The following RFTN1 variants were observed in gnomAD, a reference collection of about 807,000 sequenced individuals.
The protein encoded by RFTN1 is raftlin, lipid raft linker 1.
Under a neutral mutation model 46.5 loss-of-function variants are expected in RFTN1, and 26 were observed. The observed-to-expected ratio is 0.56, with a 90% confidence interval of 0.41 to 0.78. The LOEUF (loss-of-function observed/expected upper bound fraction) is 0.78, where lower values mean the gene tolerates loss of function less well. Ranked by LOEUF, RFTN1 falls within the 30% of genes least tolerant of loss-of-function variation. The pLI is 0.00. For missense variants in RFTN1, 693 were observed against 718.7 expected, an observed-to-expected ratio of 0.96 and a Z score of 0.41; for synonymous variants, 261 against 284.2, an observed-to-expected ratio of 0.92 and a Z score of 0.82.
At chr3:16,324,235 T>C (rs2069421569) in intron 8 of RFTN1, among the ~76,000 whole-genome samples, 1 of 152,232 alleles carries the variant, frequency 6.6e-6, no homozygotes, top group Non-Finnish European at 1.5e-5. Flanking sequence ...ACTGATTAAA[T>C]CAGGCTACTT....
rs552095811 is a variant in RFTN1 at position 16,456,613 on chromosome 3, AC to A, written c.146-22577del. On this transcript the variant is annotated intron_variant, in intron 2 of 9. Transcript: ENST00000334133. ...TTTTCACTTTGAAAAATTCTTGAGG[AC>A]CCCCCTAAGAACTTTTGTTTATGTG... 1.4e-3 allele frequency among the ~76,000 whole-genome samples: 208 copies of A among 152,086 alleles called. 1 individual carries two copies. Among genetic ancestry groups the A allele is most frequent in the Middle Eastern group, 0.014 (4 of 294 alleles).
intron 2 of RFTN1, among the ~76,000 whole-genome samples, chr3:16,445,892 A>G (rs1442148072): frequency 2.0e-5 from 3 of 151,588 alleles, no homozygotes. Flanking sequence ...ATCTATCACA[A>G]CTTTTAATTC....
intron 7 of RFTN1, among the ~76,000 whole-genome samples, chr3:16,347,303 G>T (rs1030697993): frequency 6.6e-6 from 1 of 152,200 alleles, no homozygotes; most frequent in African/African-American, 2.4e-5. Context: ...CATTTTCTAG[G>T]GGGGGCTATA....
At position 16,317,148 on chromosome 3, in the gene RFTN1, G is replaced by A; in HGVS notation, c.1417C>T (p.Gln473Ter). The change falls in exon 10 of 10, where the codon CAA (glutamine) becomes TAA (stop). Residue 473 changes from glutamine (Q) to a stop codon, truncating the protein, a stop_gained. Transcript: ENST00000334133. LOFTEE classifies it low-confidence loss of function (END_TRUNC). The surrounding 1 kb of genome is among the most constrained non-coding windows in gnomAD (Gnocchi z 4.3). Reference protein sequence around the residue: ...KGKLSARDKQQAEENEKNLED... With the variant: ...KGKLSARDKQ ...AAGTTCTTCTCATTTTCTTCTGCTTGTTGTTTGTCTCTGGCACTGAGTTTA... is the reference window on the plus strand; with the variant it reads ...AAGTTCTTCTCATTTTCTTCTGCTTATTGTTTGTCTCTGGCACTGAGTTTA... 1 of 1,613,572 alleles carries A rather than the reference G, an allele frequency of 6.2e-7. No individual in the cohort carries two copies. Among genetic ancestry groups the A allele is most frequent in the Non-Finnish European group, 8.5e-7 (1 of 1,179,942 alleles).
rs2076134794 is a variant in RFTN1 at position 16,468,250 on chromosome 3, T to C, written c.145+25475A>G. Among the ~76,000 whole-genome samples the C allele has an allele frequency of 6.6e-6, 1 of 152,232 alleles. No individual in the cohort carries two copies. The highest frequency in any genetic ancestry group is 6.5e-5 in the Admixed American group (1 of 15,282). On this transcript the variant is annotated intron_variant, in intron 2 of 9. Coordinates refer to ENST00000334133, the MANE Select transcript of RFTN1 (RefSeq NM_015150.2). This position sits in a 1 kb window ranked among gnomAD's most constrained non-coding sequence, Gnocchi z 4.4. ...CATTCCCTTTCAGCTGACAGGCTTC[T>C]TATCTTTTTCATTTGGAAACTTATC... is the stretch of plus-strand genomic sequence containing the variant.
In RFTN1 at chr3:16,507,258, C is replaced by T. The variant is rs1279442202; in HGVS notation, c.-9+6184G>A. On this transcript the variant is annotated intron_variant, in intron 1 of 9. Transcript: ENST00000334133. This position sits in a 1 kb window ranked among gnomAD's most constrained non-coding sequence, Gnocchi z 7.1. Reference sequence around the variant, plus strand: ...TACTTGTTGCTCATTATGAAGACACCTTTTGACCTACTCTGGCCTATAGTC... The same window carrying T: ...TACTTGTTGCTCATTATGAAGACACTTTTTGACCTACTCTGGCCTATAGTC... Among the ~76,000 whole-genome samples, 2 of 152,138 alleles carry T rather than the reference C, an allele frequency of 1.3e-5. No individual in the cohort carries two copies. Among genetic ancestry groups the T allele is most frequent in the Non-Finnish European group, 2.9e-5 (2 of 68,038 alleles).
rs1026068223 is a variant in RFTN1, at chr3:16,336,030, G to T, written c.1147-9154C>A. On this transcript the variant is annotated intron_variant, in intron 7 of 9. Coordinates refer to ENST00000334133, the MANE Select transcript of RFTN1 (RefSeq NM_015150.2). This position sits in a 1 kb window ranked among gnomAD's most constrained non-coding sequence, Gnocchi z 6.0. ...CGCTGGCTATAGCGGCACTCGAGGA[G>T]GGTAGAGGTCCTGTTCTCCTACGGC... 6.6e-6 allele frequency among the ~76,000 whole-genome samples: 1 copy of T among 152,228 alleles called. No individual in the cohort carries two copies. Among genetic ancestry groups the T allele is most frequent in the South Asian group, 2.1e-4 (1 of 4,836 alleles).
chr3:16,328,348 C>T (rs1170911019), intron 7 of RFTN1, among the ~76,000 whole-genome samples: 2 of 152,226 alleles, frequency 1.3e-5, no homozygotes, highest in African/African-American at 4.8e-5. Flanking sequence ...AGAAGGTGGC[C>T]ACGTGTGGTG....
intron 2 of RFTN1, chr3:16,472,185 T>C (rs1345512933): frequency 2.0e-5 from 3 of 150,776 alleles, no homozygotes; most frequent in Non-Finnish European, 4.4e-5. Context: ...CTGAATAATG[T>C]GAGGATTGTT....
chr3:16,358,430 G>GTTTTTTTTTTT (rs11456149), intron 6 of RFTN1, among the ~76,000 whole-genome samples: 2 of 149,114 alleles, frequency 1.3e-5, no homozygotes, highest in Non-Finnish European at 1.5e-5. Context: ...TTAGGTGAGG[G>GTTTTTTTTTTT]TTTTTTTTTT....
At chr3:16,485,971 T>C (rs1374873340) in intron 2 of RFTN1, among the ~76,000 whole-genome samples, 2 of 152,188 alleles carry the variant, frequency 1.3e-5, no homozygotes, top group African/African-American at 4.8e-5. Context: ...AATACCTTCC[T>C]TTCAACTTTC....
chr3:16,371,208 T>C (rs1487124446), intron 5 of RFTN1, among the ~76,000 whole-genome samples: 2 of 152,336 alleles, frequency 1.3e-5, no homozygotes, highest in Admixed American at 6.5e-5. Context: ...CCACCCTTCT[T>C]TGAAGCAAGA....
rs1049147485 is a variant in RFTN1, at chr3:16,474,972, G to T, written c.145+18753C>A. The stretch of plus-strand genomic sequence containing the variant: ...CTCATATTGATATTTGATCTCCCAC[G>T]TTGGAGGTGGGGCCTAGTGGGAGGT... On this transcript the variant is annotated intron_variant, in intron 2 of 9. Coordinates refer to ENST00000334133, the MANE Select transcript of RFTN1 (RefSeq NM_015150.2). The surrounding 1 kb of genome is among the most constrained non-coding windows in gnomAD (Gnocchi z 5.5). Among the ~76,000 whole-genome samples the T allele has an allele frequency of 6.6e-6, 1 of 152,190 alleles. No individual in the cohort carries two copies. Among genetic ancestry groups the T allele is most frequent in the Non-Finnish European group, 1.5e-5 (1 of 68,028 alleles).
chr3:16,409,411 C>G lies in RFTN1; in HGVS notation c.405G>C (p.Pro135=). The G allele has an allele frequency of 6.2e-7, 1 of 1,613,516 alleles. No individual in the cohort carries two copies. Among genetic ancestry groups the G allele is most frequent in the South Asian group, 1.1e-5 (1 of 91,060 alleles). The change falls in exon 4 of 10, where the codon CCG becomes CCC. Residue 135 remains proline, a synonymous_variant. Transcript: ENST00000334133. ...ACTCTGGGATGAGTTTCTGGTCTGT[C>G]GGGTGGTCTAAGGAGGAACAGCAAT... ...ELDCCSSLDH[P]TDQKLIPEFI... is the part of the protein sequence containing the mutation.
chr3:16,390,536 G>A (rs1454603313), intron 4 of RFTN1, among the ~76,000 whole-genome samples: 1 of 152,222 alleles, frequency 6.6e-6, no homozygotes, highest in African/African-American at 2.4e-5. Context: ...TAGCAAACCT[G>A]TATGCAAACT....
chr3:16,467,002 C>T (rs1469265264), intron 2 of RFTN1, among the ~76,000 whole-genome samples: 1 of 152,078 alleles, frequency 6.6e-6, no homozygotes, highest in Non-Finnish European at 1.5e-5. Context: ...ACTGGCAGGC[C>T]TAAGGTCAAT....
chr3:16,384,027 C>T lies in RFTN1; in HGVS notation c.442-5925G>A, dbSNP rs74417357. 0.044 allele frequency among the ~76,000 whole-genome samples: 6,687 copies of T among 152,276 alleles called. 212 individuals carry two copies. The highest frequency in any genetic ancestry group is 0.089 in the African/African-American group (3,717 of 41,540). ...TTAACATTTACTATCAGTTGACTTTCGGTAAAGTGGATTCCTCCATTATTA... is the reference window on the plus strand; with the variant it reads ...TTAACATTTACTATCAGTTGACTTTTGGTAAAGTGGATTCCTCCATTATTA... On this transcript the variant is annotated intron_variant, in intron 4 of 9. Coordinates refer to ENST00000334133, the MANE Select transcript of RFTN1 (RefSeq NM_015150.2). The surrounding 1 kb of genome is among the most constrained non-coding windows in gnomAD (Gnocchi z 4.7).
intron 5 of RFTN1, chr3:16,371,038 G>A (rs2073478270): frequency 6.6e-6 from 1 of 152,228 alleles, no homozygotes; most frequent in African/African-American, 2.4e-5. Flanking sequence ...GCCTCCAGAA[G>A]CAAATACCTG....
chr3:16,504,909 T>C lies in RFTN1; in HGVS notation c.-9+8533A>G, dbSNP rs2076776550. Among the ~76,000 whole-genome samples the C allele has an allele frequency of 6.6e-6, 1 of 152,150 alleles. No homozygotes were observed. The highest frequency in any genetic ancestry group is 1.5e-5 in the Non-Finnish European group (1 of 68,026). On this transcript the variant is annotated intron_variant, in intron 1 of 9. Transcript: ENST00000334133. This position sits in a 1 kb window ranked among gnomAD's most constrained non-coding sequence, Gnocchi z 4.4. ...AAGCTTGCTCTTCCTCCTGCATTTCTCGTCTCTGGGTGGTACCACTGCCCT... is the reference window on the plus strand; with the variant it reads ...AAGCTTGCTCTTCCTCCTGCATTTCCCGTCTCTGGGTGGTACCACTGCCCT...
Sources: allele counts gnomAD v4.1 joint callset (sites outside exome capture counted in the v4.1 genomes callset), GRCh38; gene constraint gnomAD v4.1.1; non-coding constraint Gnocchi (gnomAD v3.1); transcripts MANE v1.5; gene names NCBI Gene and HGNC (gene_info 2026-07-23, HGNC 2026-07-21).